CCDC88C: variants seen among roughly 807,000 people sequenced by gnomAD.
CCDC88C encodes coiled-coil and HOOK domain protein 88C, also known as protein Daple.
Under a neutral mutation model 198.8 loss-of-function variants are expected in CCDC88C, and 131 were observed. That is an observed-to-expected ratio of 0.66 (90% CI 0.57 to 0.76). The LOEUF is 0.76. CCDC88C is among the 30% of genes least tolerant of loss of function. CCDC88C has a pLI of 0.00. For missense variants in CCDC88C, 2,553 were observed against 2,631.6 expected (o/e 0.97, Z 0.65); for synonymous variants, 1,166 against 1,114.7 (o/e 1.05, Z -0.92).
intron 3 of CCDC88C, among the ~76,000 whole-genome samples, chr14:91,396,922 C>G (rs1189745802): frequency 6.6e-6 from 1 of 152,044 alleles, no homozygotes; most frequent in East Asian, 1.9e-4. Context: ...ATTGCTTGAG[C>G]CTGGCAGGTC....
At chr14:91,317,919 G>A (rs914576460) in intron 13 of CCDC88C, among the ~76,000 whole-genome samples, 1 of 152,230 alleles carries the variant, frequency 6.6e-6, no homozygotes, top group African/African-American at 2.4e-5. Flanking sequence ...GAGATGCCTG[G>A]GCACCACCCT....
intron 3 of CCDC88C, among the ~76,000 whole-genome samples, chr14:91,389,985 T>TG (rs1345231935): frequency 6.6e-6 from 1 of 150,820 alleles, no homozygotes; most frequent in African/African-American, 2.4e-5. Context: ...GGCAGGAGAA[T>TG]GGCGTGAACC....
rs1397542636 is a variant in CCDC88C at position 91,417,734 on chromosome 14, C to T, written c.-44G>A. Reference sequence around the variant, plus strand: ...GGCTCCGCGCCCCCCGCCCCGCGTCCCCGTTCCCCCGCGCCGCGGCACAAA... The same window carrying T: ...GGCTCCGCGCCCCCCGCCCCGCGTCTCCGTTCCCCCGCGCCGCGGCACAAA... On this transcript the variant is annotated 5_prime_UTR_variant, in exon 1 of 30. Coordinates refer to ENST00000389857, the MANE Select transcript of CCDC88C (RefSeq NM_001080414.4). The T allele has an allele frequency of 4.8e-6, 7 of 1,445,370 alleles. No individual in the cohort carries two copies. The East Asian group carries it at 1.5e-4, about 31-fold the overall frequency. 89.5% of individuals were successfully genotyped at this position (1,445,370 alleles called of 1,614,324 possible).
In CCDC88C at chr14:91,325,882, A is replaced by T. The variant is rs1163485777; in HGVS notation, c.1197+28T>A. 19 of 1,539,230 alleles carry T rather than the reference A, an allele frequency of 1.2e-5. No homozygotes were observed. Among genetic ancestry groups the T allele is most frequent in the Non-Finnish European group, 1.6e-5 (18 of 1,138,648 alleles). ...CTGTGCCCGAGCCCAATCTGTTTTC[A>T]ATGTAGTAACAACACAGCCTGCAGT... On this transcript the variant is annotated intron_variant, in intron 11 of 29. Coordinates refer to ENST00000389857, the MANE Select transcript of CCDC88C (RefSeq NM_001080414.4). This position sits in a 1 kb window ranked among gnomAD's most constrained non-coding sequence, Gnocchi z 4.1.
intron 18 of CCDC88C, 109 bp downstream of exon 18, chr14:91,306,929 T>C (rs1421391622): frequency 4.0e-6 from 5 of 1,235,010 alleles, no homozygotes; most frequent in Non-Finnish European, 5.5e-6. Context: ...TAGATCTGGC[T>C]AAATCTCCTG....
chr14:91,347,451 C>T (rs919148736), intron 4 of CCDC88C, among the ~76,000 whole-genome samples: 3 of 152,170 alleles, frequency 2.0e-5, no homozygotes, highest in Non-Finnish European at 2.9e-5. Context: ...CTCAAAACTA[C>T]ACTCTGAGGC....
At chr14:91,357,330 C>T (rs575406673) in intron 4 of CCDC88C, among the ~76,000 whole-genome samples, 26 of 152,354 alleles carry the variant, frequency 1.7e-4, no homozygotes, top group African/African-American at 6.3e-4. Flanking sequence ...CAGCTTACTG[C>T]AGCCTCGACC....
Position 91,313,585 on chromosome 14 carries a change from A to C in CCDC88C, c.2231T>G (p.Val744Gly). The C allele has an allele frequency of 6.2e-7, 1 of 1,612,292 alleles. No individual in the cohort carries two copies. Among genetic ancestry groups the C allele is most frequent in the Non-Finnish European group, 8.5e-7 (1 of 1,179,876 alleles). ...CTTGCCCAGCGCCTTGAGCAGATCC[A>C]CGTTCTTCCTCAGCTCCTCCTTCTC... is the stretch of plus-strand genomic sequence containing the variant. ...EREKEELRKN[V>G]DLLKALGKKS... The change falls in exon 15 of 30, where the codon GTG becomes GGG. Residue 744 changes from valine to glycine, a missense_variant. Physicochemically the swap from Val to Gly is moderately radical, Grantham distance 109. Coordinates refer to ENST00000389857, the MANE Select transcript of CCDC88C (RefSeq NM_001080414.4). This position sits in a 1 kb window ranked among gnomAD's most constrained non-coding sequence, Gnocchi z 5.2.
intron 5 of CCDC88C, 84 bp downstream of exon 5, chr14:91,343,515 A>G (rs924878226): frequency 1.0e-4 from 165 of 1,576,460 alleles, no homozygotes; most frequent in Non-Finnish European, 1.3e-4. Flanking sequence ...CTCCCACCTA[A>G]GCTAAGGGCT....
chr14:91,417,517 C>T, intron 1 of CCDC88C, 114 bp downstream of exon 1: 2 of 907,862 alleles, frequency 2.2e-6, no homozygotes, highest in Non-Finnish European at 1.6e-6. Flanking sequence ...TGCTGCGTCC[C>T]TCGCGCCCCG....
rs1157384240 is a variant in CCDC88C, at chr14:91,359,691, A to G, written c.291T>C (p.Ile97=). The G allele has an allele frequency of 6.2e-7, 1 of 1,610,632 alleles. No individual in the cohort carries two copies. Among genetic ancestry groups the G allele is most frequent in the Non-Finnish European group, 8.5e-7 (1 of 1,178,464 alleles). The part of the protein sequence containing the change: ...TYYQEVLQQL[I]VMNLPNVLMI... Reference sequence around the variant, plus strand: ...TCAAAACATTGGGCAAATTCATTACAATCAGCTGCTGGAGAACTTCCTGCA... The same window carrying G: ...TCAAAACATTGGGCAAATTCATTACGATCAGCTGCTGGAGAACTTCCTGCA... Residue 97 remains isoleucine (I), a synonymous_variant, in exon 4 of 30, where the codon ATT becomes ATC. Coordinates refer to ENST00000389857, the MANE Select transcript of CCDC88C (RefSeq NM_001080414.4).
rs191383058 is a variant in CCDC88C, at chr14:91,276,199, C to T, written c.5058+1723G>A. ...AATTTATAAAGATGCAAATTCTCAGCGAGCCCAACCTCAGACCCATTGATT... is the reference window on the plus strand; with the variant it reads ...AATTTATAAAGATGCAAATTCTCAGTGAGCCCAACCTCAGACCCATTGATT... On this transcript the variant is annotated intron_variant, in intron 29 of 29. Coordinates refer to ENST00000389857, the MANE Select transcript of CCDC88C (RefSeq NM_001080414.4). Among the ~76,000 whole-genome samples the T allele has an allele frequency of 8.2e-4, 125 of 152,342 alleles. No homozygotes were observed. In the Middle Eastern group the frequency reaches 0.01, roughly 12 times the overall value.
At chr14:91,396,562 C>T (rs1239120664) in intron 3 of CCDC88C, among the ~76,000 whole-genome samples, 1 of 152,166 alleles carries the variant, frequency 6.6e-6, no homozygotes, top group Non-Finnish European at 1.5e-5. Flanking sequence ...CCGACAAGCA[C>T]CGGGAACACC....
At chr14:91,287,339 G>C (rs971583324) in intron 25 of CCDC88C, among the ~76,000 whole-genome samples, 7 of 152,108 alleles carry the variant, frequency 4.6e-5, no homozygotes, top group African/African-American at 1.7e-4. Flanking sequence ...GTTAGTCCCT[G>C]AACAATGTGC....
intron 15 of CCDC88C, among the ~76,000 whole-genome samples, chr14:91,310,800 C>G (rs973142867): frequency 6.6e-6 from 1 of 152,184 alleles, no homozygotes; most frequent in African/African-American, 2.4e-5. Flanking sequence ...TTGTAGCTCT[C>G]TAGATAGTGA....
chr14:91,374,511 C>T (rs373690647), intron 3 of CCDC88C, among the ~76,000 whole-genome samples: 3 of 152,016 alleles, frequency 2.0e-5, no homozygotes, highest in African/African-American at 4.8e-5. Context: ...AGAGGGCCCT[C>T]GATGAATCGT....
At chr14:91,392,074 C>T (rs1474692519) in intron 3 of CCDC88C, among the ~76,000 whole-genome samples, 3 of 152,074 alleles carry the variant, frequency 2.0e-5, no homozygotes, top group Admixed American at 1.3e-4. Flanking sequence ...CTGTTCCTGA[C>T]TCTCTAGTGC....
chr14:91,290,956 A>T (rs1175507494), intron 24 of CCDC88C, 39 bp downstream of exon 24: 1 of 1,282,438 alleles, frequency 7.8e-7, no homozygotes, highest in Non-Finnish European at 1.1e-6. Context: ...GGAAGCTTTT[A>T]AGTTCTGTCT....
At chr14:91,298,487 T>C (rs1044180666) in intron 21 of CCDC88C, among the ~76,000 whole-genome samples, 3 of 149,862 alleles carry the variant, frequency 2.0e-5, no homozygotes, top group African/African-American at 2.5e-5. Context: ...TGAGCCATGA[T>C]CATGTCACTC....
Sources: gnomAD v4.1 joint callset for allele counts (sites outside exome capture counted in the v4.1 genomes callset) on GRCh38, gnomAD v4.1.1 for gene constraint, Gnocchi (gnomAD v3.1) non-coding constraint, MANE v1.5 for transcripts, NCBI Gene and HGNC (gene_info 2026-07-23, HGNC 2026-07-21) for gene names.